The following RYR3 variants were observed in gnomAD, a reference collection of about 807,000 sequenced individuals.
RYR3 encodes ryanodine receptor 3.
In RYR3, 207 loss-of-function variants were observed where a neutral mutation model predicts 584.3. The observed-to-expected ratio is 0.35, with a 90% CI of 0.32 to 0.40. The LOEUF (loss-of-function observed/expected upper bound fraction) is 0.40, where lower values mean the gene tolerates loss of function less well. Ranked by LOEUF, RYR3 falls within the 10% of genes least tolerant of loss-of-function variation. The pLI is 1.00. For missense variants in RYR3, 5,616 were observed against 6,089.2 expected (o/e 0.92, Z 2.59); for synonymous variants, 2,416 against 2,248.5 (o/e 1.07, Z -2.11).
chr15:33,332,744 ATAAC>A (rs1970507215), intron 1 of RYR3, among the ~76,000 whole-genome samples: 2 of 152,166 alleles, frequency 1.3e-5, no homozygotes, highest in African/African-American at 2.4e-5. Context: ...GATGGTAGAA[ATAAC>A]TAAGTTCAGA....
At chr15:33,638,155 A>C (rs986360927) in intron 27 of RYR3, among the ~76,000 whole-genome samples, 1 of 152,228 alleles carries the variant, frequency 6.6e-6, no homozygotes, top group Non-Finnish European at 1.5e-5. Flanking sequence ...TAAAATCAAA[A>C]TTTTAAAGAA....
At chr15:33,345,500 G>T (rs1972343266) in intron 1 of RYR3, among the ~76,000 whole-genome samples, 1 of 152,138 alleles carries the variant, frequency 6.6e-6, no homozygotes, top group South Asian at 2.1e-4. Context: ...TCCTGGAAAA[G>T]CTTCTATAAA....
intron 1 of RYR3, among the ~76,000 whole-genome samples, chr15:33,393,061 T>G (rs1160353166): frequency 6.6e-6 from 1 of 152,224 alleles, no homozygotes; most frequent in Admixed American, 6.5e-5. Flanking sequence ...AATGAATGGC[T>G]GCTACCACCT....
At position 33,739,834 on chromosome 15, in the gene RYR3, A is replaced by G. The variant is rs2069895913; in HGVS notation, c.7659A>G (p.Lys2553=). The change falls in exon 51 of 104, where the codon AAA becomes AAG. Residue 2553 remains lysine, a splice_region_variant and synonymous_variant. Coordinates refer to ENST00000634891, the MANE Select transcript of RYR3 (RefSeq NM_001036.6). ...WGIFDSLSHK[K]YDPDLFRMAL... ...GTGGCCTTGTTTTTCCCTCACAGAA[A>G]TATGACCCAGATCTTTTCCGAATGG... 6.2e-7 allele frequency: 1 copy of G among 1,612,672 alleles called. No homozygotes were observed. The highest frequency in any genetic ancestry group is 8.5e-7 in the Non-Finnish European group (1 of 1,179,068).
At chr15:33,608,164 A>G (rs1389876175) in intron 18 of RYR3, among the ~76,000 whole-genome samples, 1 of 152,220 alleles carries the variant, frequency 6.6e-6, no homozygotes. Context: ...CCCTGTGGGT[A>G]CCACTGTGCC....
intron 81 of RYR3, among the ~76,000 whole-genome samples, chr15:33,823,962 GC>G (rs1352688289): frequency 4.6e-5 from 7 of 152,086 alleles, no homozygotes; most frequent in African/African-American, 1.7e-4. Flanking sequence ...CGTACCCTGG[GC>G]AGTAGGGAGC....
chr15:33,317,438 C>T (rs752226382), intron 1 of RYR3, among the ~76,000 whole-genome samples: 5 of 152,102 alleles, frequency 3.3e-5, no homozygotes, highest in Non-Finnish European at 7.3e-5. Context: ...CCTCCAGGCC[C>T]CAGGCTGGTG....
At position 33,623,976 on chromosome 15, in the gene RYR3, T is replaced by C; in HGVS notation, c.2527T>C (p.Phe843Leu). Reference protein sequence around the residue: ...GIRDLLGTTQFLSQASFIPCP... With the variant: ...GIRDLLGTTQLLSQASFIPCP... ...TAGAGATCTCTTGGGTACCACCCAG[T>C]TCCTCTCCCAAGCCTCTTTCATCCC... The change falls in exon 20 of 104, where the codon TTC becomes CTC. Residue 843 changes from phenylalanine to leucine, a missense_variant. Phe to Leu is a conservative substitution (Grantham distance 22). Transcript: ENST00000634891. 2 of 1,613,976 alleles carry C rather than the reference T, an allele frequency of 1.2e-6. No individual in the cohort carries two copies. Among genetic ancestry groups the C allele is most frequent in the Non-Finnish European group, 1.7e-6 (2 of 1,179,848 alleles).
chr15:33,821,208 T>C, intron 78 of RYR3, 62 bp from the exon 79 acceptor site: 1 of 1,338,010 alleles, frequency 7.5e-7, no homozygotes, highest in South Asian at 1.3e-5. Flanking sequence ...CACCTCACTA[T>C]GGGTGAACTC....
In RYR3 at chr15:33,833,037, G is replaced by C. The variant is rs115738894; in HGVS notation, c.11464-1931G>C. On this transcript the variant is annotated intron_variant, in intron 86 of 103. Transcript: ENST00000634891. Reference sequence around the variant, plus strand: ...AAAAAAAAAAGAGCCAAAGGGCTCCGAGTCTCCATAGGACCACGTAGGCTA... The same window carrying C: ...AAAAAAAAAAGAGCCAAAGGGCTCCCAGTCTCCATAGGACCACGTAGGCTA... Among the ~76,000 whole-genome samples, 741 of 150,528 alleles carry C rather than the reference G, an allele frequency of 4.9e-3. 10 individuals carry two copies. Among genetic ancestry groups the C allele is most frequent in the African/African-American group, 0.017 (717 of 40,990 alleles).
chr15:33,582,655 T>C (rs1441433787), intron 14 of RYR3, among the ~76,000 whole-genome samples: 1 of 152,228 alleles, frequency 6.6e-6, no homozygotes, highest in Non-Finnish European at 1.5e-5. Flanking sequence ...CGTACATAGA[T>C]GCTCATAACC....
chr15:33,508,837 AGTAGGG>A (rs1343563629), intron 3 of RYR3, among the ~76,000 whole-genome samples: 1 of 152,174 alleles, frequency 6.6e-6, no homozygotes, highest in Non-Finnish European at 1.5e-5. Context: ...TTGTCTTTAC[AGTAGGG>A]AATACCACAC....
At chr15:33,588,630 C>T (rs1016144513) in intron 16 of RYR3, among the ~76,000 whole-genome samples, 3 of 152,166 alleles carry the variant, frequency 2.0e-5, no homozygotes, top group Non-Finnish European at 4.4e-5. Flanking sequence ...AAGTTGCCAA[C>T]ACCTATCACT....
At position 33,550,143 on chromosome 15, in the gene RYR3, C is replaced by T. The variant is rs1343245982; in HGVS notation, c.816-17C>T. On this transcript the variant is annotated splice_polypyrimidine_tract_variant and intron_variant, in intron 9 of 103. Transcript: ENST00000634891. The stretch of plus-strand genomic sequence containing the variant: ...TTTTTGTATAAATGCAATTTCTTGT[C>T]TGTTTCATCTGCCCAGCTGGAGTGG... 4 of 1,605,508 alleles carry T rather than the reference C, an allele frequency of 2.5e-6. No homozygotes were observed. The highest frequency in any genetic ancestry group is 1.3e-5 in the African/African-American group (1 of 74,392).
At chr15:33,745,023 A>G (rs1157979870) in intron 52 of RYR3, among the ~76,000 whole-genome samples, 1 of 152,216 alleles carries the variant, frequency 6.6e-6, no homozygotes, top group Non-Finnish European at 1.5e-5. Context: ...AAGCTCTTGC[A>G]GTAACCCCAG....
intron 2 of RYR3, among the ~76,000 whole-genome samples, chr15:33,487,854 C>T (rs1460553112): frequency 1.3e-5 from 2 of 152,190 alleles, no homozygotes; most frequent in African/African-American, 4.8e-5. Context: ...TCGTGATTGG[C>T]AGCTGAACTG....
At chr15:33,814,170 A>G (rs116210031) in intron 74 of RYR3, among the ~76,000 whole-genome samples, 73 of 152,330 alleles carry the variant, frequency 4.8e-4, no homozygotes, top group African/African-American at 1.7e-3. Flanking sequence ...AAAGTCTGGG[A>G]CATATCCTTG....
At chr15:33,483,729 A>G (rs575907443) in intron 2 of RYR3, among the ~76,000 whole-genome samples, 4 of 152,302 alleles carry the variant, frequency 2.6e-5, no homozygotes, top group African/African-American at 4.8e-5. Context: ...TATATAGCTT[A>G]TGAGTTGGCA....
chr15:33,316,463 G>C (rs1187013340), intron 1 of RYR3, among the ~76,000 whole-genome samples: 1 of 152,088 alleles, frequency 6.6e-6, no homozygotes, highest in Admixed American at 6.5e-5. Context: ...GTTCATATCA[G>C]TATAAACCTT....
Sources: gnomAD v4.1 joint callset for allele counts (sites outside exome capture counted in the v4.1 genomes callset) on GRCh38, gnomAD v4.1.1 for gene constraint, MANE v1.5 for transcripts, NCBI Gene and HGNC (gene_info 2026-07-23, HGNC 2026-07-21) for gene names.